The following NR3C2 variants were observed in gnomAD, a reference collection of about 807,000 sequenced individuals.
NR3C2 encodes mineralocorticoid receptor.
A neutral mutation model predicts 86.4 loss-of-function variants in NR3C2; 15 were observed. The ratio of observed to expected loss-of-function variants is 0.17; its 90% CI spans 0.12 to 0.27. The LOEUF (loss-of-function observed/expected upper bound fraction) is 0.27, where lower values mean the gene tolerates loss of function less well. NR3C2 is among the 10% of genes least tolerant of loss of function. The pLI, the probability that NR3C2 is intolerant of heterozygous loss-of-function variation, is 1.00. For synonymous variants in NR3C2, 458 were observed against 450.5 expected (o/e 1.02, Z -0.21); for missense variants, 960 against 1,195.6 (o/e 0.80, Z 2.91).
chr4:148,134,629 C>T (rs1320640292), intron 6 of NR3C2, among the ~76,000 whole-genome samples: 1 of 78,402 alleles, frequency 1.3e-5, no homozygotes, highest in Non-Finnish European at 2.8e-5. Context: ...CTGTGATTCT[C>T]TCTCTCTCTC....
chr4:148,242,945 T>C (rs1009673205), intron 3 of NR3C2, among the ~76,000 whole-genome samples: 1 of 151,968 alleles, frequency 6.6e-6, no homozygotes, highest in East Asian at 1.9e-4. Flanking sequence ...ATTAAAATGA[T>C]TCTAATAAAG....
At chr4:148,237,891 C>G (rs1202745744) in intron 3 of NR3C2, among the ~76,000 whole-genome samples, 1 of 152,086 alleles carries the variant, frequency 6.6e-6, no homozygotes, top group Non-Finnish European at 1.5e-5. Context: ...ATGACACCAA[C>G]TTAAATACTG....
intron 2 of NR3C2, among the ~76,000 whole-genome samples, chr4:148,429,619 T>C (rs560839680): frequency 7.2e-5 from 11 of 152,336 alleles, no homozygotes; most frequent in African/African-American, 2.6e-4. Flanking sequence ...TTTAACTTCA[T>C]CACCACCTTA....
intron 2 of NR3C2, among the ~76,000 whole-genome samples, chr4:148,352,398 A>ATCTC (rs1745334054): frequency 6.6e-6 from 1 of 151,738 alleles, no homozygotes. Flanking sequence ...CTATCTATCT[A>ATCTC]TCTATCTATC....
intron 2 of NR3C2, among the ~76,000 whole-genome samples, chr4:148,280,028 A>C (rs968349619): frequency 6.6e-6 from 1 of 152,030 alleles, no homozygotes; most frequent in African/African-American, 2.4e-5. Flanking sequence ...CCCAGCCTTA[A>C]AGTAGTAATT....
chr4:148,267,200 G>A (rs1023511283), intron 2 of NR3C2, among the ~76,000 whole-genome samples: 1 of 152,042 alleles, frequency 6.6e-6, no homozygotes, highest in African/African-American at 2.4e-5. Context: ...AAGAACACTT[G>A]GAACAGTGTC....
intron 8 of NR3C2, among the ~76,000 whole-genome samples, chr4:148,091,988 G>A (rs988107533): frequency 2.0e-5 from 3 of 152,098 alleles, no homozygotes; most frequent in Non-Finnish European, 4.4e-5. Flanking sequence ...GGAATGGGGG[G>A]AAAAGCCAGA....
At chr4:148,314,238 T>C (rs542624493) in intron 2 of NR3C2, among the ~76,000 whole-genome samples, 1 of 152,322 alleles carries the variant, frequency 6.6e-6, no homozygotes, top group Non-Finnish European at 1.5e-5. Context: ...AGCACCCACC[T>C]TTCCTTACCT....
intron 2 of NR3C2, among the ~76,000 whole-genome samples, chr4:148,306,457 C>G (rs1742630936): frequency 6.6e-6 from 1 of 152,146 alleles, no homozygotes; most frequent in Admixed American, 6.5e-5. Flanking sequence ...TCCAACATAT[C>G]CCGAAGTTTA....
At chr4:148,135,768 C>CAA (rs1733274522) in intron 6 of NR3C2, among the ~76,000 whole-genome samples, 1 of 151,888 alleles carries the variant, frequency 6.6e-6, no homozygotes, top group Non-Finnish European at 1.5e-5. Context: ...TAAAAAACAA[C>CAA]AAAAACGGCC....
At chr4:148,102,239 C>T (rs1731571425) in intron 8 of NR3C2, among the ~76,000 whole-genome samples, 1 of 152,162 alleles carries the variant, frequency 6.6e-6, no homozygotes, top group Non-Finnish European at 1.5e-5. Flanking sequence ...GTTCTGTGCC[C>T]TCTTCTTGAG....
chr4:148,117,604 T>C (rs1454038558), intron 7 of NR3C2, among the ~76,000 whole-genome samples: 7 of 152,214 alleles, frequency 4.6e-5, no homozygotes, highest in Admixed American at 2.0e-4. Flanking sequence ...TTAAATTAGA[T>C]AATATATGGA....
At chr4:148,439,441 A>C (rs1047756495) in intron 1 of NR3C2, among the ~76,000 whole-genome samples, 1 of 152,088 alleles carries the variant, frequency 6.6e-6, no homozygotes, top group Non-Finnish European at 1.5e-5. Context: ...ATCTAACCAG[A>C]TGCCTGGAAG....
intron 3 of NR3C2, among the ~76,000 whole-genome samples, chr4:148,233,519 C>G (rs1347362030): frequency 1.3e-5 from 2 of 151,936 alleles, no homozygotes; most frequent in East Asian, 3.9e-4. Flanking sequence ...TGCCACCACG[C>G]CTGGATAATT....
chr4:148,217,995 T>C (rs1737631354), intron 3 of NR3C2, among the ~76,000 whole-genome samples: 1 of 152,246 alleles, frequency 6.6e-6, no homozygotes, highest in Non-Finnish European at 1.5e-5. Flanking sequence ...CTATAATCGC[T>C]GGGAGGTTTA....
intron 4 of NR3C2, among the ~76,000 whole-genome samples, chr4:148,185,427 A>G (rs1578986218): frequency 6.6e-6 from 1 of 152,122 alleles, no homozygotes; most frequent in Non-Finnish European, 1.5e-5. Flanking sequence ...AGTCCTGTTT[A>G]CTCCCTGGTC....
At chr4:148,352,373 CATCT>C (rs3045288) in intron 2 of NR3C2, among the ~76,000 whole-genome samples, 46,969 of 146,074 alleles carry the variant, frequency 0.32, 7,493 homozygotes, top group East Asian at 0.38. Flanking sequence ...CAACTCCTAT[CATCT>C]ATCTATCTAT....
intron 8 of NR3C2, among the ~76,000 whole-genome samples, chr4:148,084,861 T>A (rs2149704996): frequency 6.6e-6 from 1 of 152,192 alleles, no homozygotes; most frequent in African/African-American, 2.4e-5. Flanking sequence ...GGGGTTCCAA[T>A]CCTAGTGTCT....
At position 148,330,279 on chromosome 4, in the gene NR3C2, C is replaced by T. The variant is rs373825831; in HGVS notation, c.1758-70162G>A. Among the ~76,000 whole-genome samples, 10 of 152,296 alleles carry T rather than the reference C, an allele frequency of 6.6e-5. No individual in the cohort carries two copies. The East Asian group carries it at 1.5e-3, about 23-fold the overall frequency. ...TCTCAATAGGCATCTACAAACCACACAAGTTGAGGTTTCACAATTGACGAC... is the reference window on the plus strand; with the variant it reads ...TCTCAATAGGCATCTACAAACCACATAAGTTGAGGTTTCACAATTGACGAC... On this transcript the variant is annotated intron_variant, in intron 2 of 8. Transcript: ENST00000358102.
Sources: gnomAD v4.1 joint callset for allele counts (sites outside exome capture counted in the v4.1 genomes callset) on GRCh38, gnomAD v4.1.1 for gene constraint, MANE v1.5 for transcripts, NCBI Gene and HGNC (gene_info 2026-07-23, HGNC 2026-07-21) for gene names.